NPAS1: variants seen among roughly 807,000 people sequenced by gnomAD.
NPAS1 encodes the protein neuronal PAS domain-containing protein 1.
Under a neutral mutation model 49.2 loss-of-function variants are expected in NPAS1, and 29 were observed. That is an observed-to-expected ratio of 0.59 (90% CI 0.44 to 0.80). The LOEUF is 0.80. Among genes scored for constraint, NPAS1 ranks in the 30% least tolerant of loss-of-function variants. NPAS1 has a pLI of 0.00. For synonymous variants in NPAS1, 408 were observed against 380.4 expected (o/e 1.07, Z -0.84); for missense variants, 825 against 835.5 (o/e 0.99, Z 0.15).
chr19:47,035,877 A>G, intron 5 of NPAS1, 87 bp from the exon 6 acceptor site: 1 of 1,374,978 alleles, frequency 7.3e-7, no homozygotes, highest in East Asian at 2.7e-5. Flanking sequence ...GCGTGCAGGC[A>G]AATGAGGCAA....
chr19:47,040,300 G>A, intron 8 of NPAS1, 144 bp from the exon 9 acceptor site: 1 of 605,216 alleles, frequency 1.7e-6, no homozygotes, highest in East Asian at 2.9e-5. Context: ...TGGGATTACA[G>A]GTGTGAGCCA....
intron 1 of NPAS1, 75 bp downstream of exon 1, chr19:47,020,072 C>T (rs1409100474): frequency 3.3e-6 from 1 of 302,600 alleles, no homozygotes; most frequent in Non-Finnish European, 5.8e-6. Context: ...ACTCCAGTGT[C>T]CTGGGGGATA....
In NPAS1 at chr19:47,040,939, A is replaced by T. The variant is rs1312215777; in HGVS notation, c.1070-39A>T. ...GGCTCTCTGTCTTGCCCCTGTCCCC[A>T]CCCCACCCCCTTCCCATCTCTCCCT... is the stretch of plus-strand genomic sequence containing the variant. On this transcript the variant is annotated intron_variant, in intron 9 of 11. Transcript: ENST00000602212. 7 of 1,345,502 alleles carry T rather than the reference A, an allele frequency of 5.2e-6. No homozygotes were observed. The South Asian group carries it at 1.1e-4, about 21-fold the overall frequency. The allele number at this position is 1,345,502 out of a possible 1,614,324, so 83.3% of individuals were successfully genotyped here.
chr19:47,034,848 C>T (rs550151067), intron 5 of NPAS1, among the ~76,000 whole-genome samples: 15 of 152,028 alleles, frequency 9.9e-5, no homozygotes, highest in Middle Eastern at 3.4e-3. Context: ...TGCACTCCAG[C>T]CTGGGCAACG....
Position 47,045,572 on chromosome 19 carries a change from TC to T in NPAS1, c.1697del (p.Pro566ArgfsTer?). ...HLQRLGPGPA[L>X]PEAFYPPLGL... ...CAGAGGCTGGGTCCGGGCCCCGCGC[TC>T]CCGGAGGCCTTTTACCCGCCCCTGG... On this transcript the variant is annotated frameshift_variant, in exon 12 of 12. Transcript: ENST00000602212. LOFTEE classifies it high-confidence loss of function. 6.7e-7 allele frequency: 1 copy of T among 1,492,142 alleles called. No individual in the cohort carries two copies. Among genetic ancestry groups the T allele is most frequent in the Non-Finnish European group, 8.8e-7 (1 of 1,131,560 alleles). The allele number at this position is 1,492,142 out of a possible 1,614,324, so 92.4% of individuals were successfully genotyped here.
rs758767664 is a variant in NPAS1, at chr19:47,036,056, C to T, written c.615C>T (p.Pro205=). 28 of 1,602,052 alleles carry T rather than the reference C, an allele frequency of 1.7e-5. No homozygotes were observed. Among genetic ancestry groups the T allele is most frequent in the South Asian group, 3.4e-5 (3 of 89,184 alleles). Residue 205 remains proline (P), a synonymous_variant, in exon 6 of 12, where the codon CCC becomes CCT. Coordinates refer to ENST00000602212, the MANE Select transcript of NPAS1 (RefSeq NM_002517.4). ...AACTGGGGCTGCGGACGCCGACGCC[C>T]GGCCCCCCAACCCCGCCCTCCGTCT... ...LEQLGLRTPT[P]GPPTPPSVSS... is the part of the protein sequence containing the mutation.
At chr19:47,026,922 T>C (rs899151017) in intron 3 of NPAS1, among the ~76,000 whole-genome samples, 3 of 150,512 alleles carry the variant, frequency 2.0e-5, no homozygotes, top group Admixed American at 1.3e-4. Context: ...CACTGCACTC[T>C]AGCCTGGGTG....
chr19:47,040,995 G>T lies in NPAS1; in HGVS notation c.1087G>T (p.Val363Leu). Residue 363 changes from valine to leucine, a missense_variant, in exon 10 of 12, where the codon GTG becomes TTG. Val to Leu is a conservative substitution (Grantham distance 32). Transcript: ENST00000602212. Reference protein sequence around the residue: ...SHVDLLDKGQVMTGYYRWLQR... With the variant: ...SHVDLLDKGQLMTGYYRWLQR... ...GGGCCCAGTGCTGGACAAGGGTCAG[G>T]TGATGACTGGTTACTACCGTTGGCT... The T allele has an allele frequency of 6.6e-7, 1 of 1,520,646 alleles. No homozygotes were observed. 94.2% of individuals were successfully genotyped at this position (1,520,646 alleles called of 1,614,324 possible). A position where few individuals can be genotyped will look rare whatever the true frequency, so the allele number is the denominator to read the frequency against.
intron 1 of NPAS1, among the ~76,000 whole-genome samples, chr19:47,020,627 G>T (rs2056832844): frequency 6.6e-6 from 1 of 151,956 alleles, no homozygotes; most frequent in Non-Finnish European, 1.5e-5. Flanking sequence ...GGGGGCTGGG[G>T]CGTGCGTGCC....
At chr19:47,044,752 G>A (rs1599926732) in intron 11 of NPAS1, among the ~76,000 whole-genome samples, 2 of 152,178 alleles carry the variant, frequency 1.3e-5, no homozygotes, top group South Asian at 4.1e-4. Flanking sequence ...CCAGCTGGCC[G>A]GGCACAGTGG....
chr19:47,042,231 C>T (rs951367486), intron 10 of NPAS1, among the ~76,000 whole-genome samples: 5 of 151,946 alleles, frequency 3.3e-5, no homozygotes, highest in African/African-American at 1.2e-4. Context: ...ATTACTTGAA[C>T]CCGGGAGGTG....
At chr19:47,037,527 G>A (rs1409391251) in intron 6 of NPAS1, among the ~76,000 whole-genome samples, 3 of 151,876 alleles carry the variant, frequency 2.0e-5, no homozygotes, top group Admixed American at 6.6e-5. Context: ...TGTCTGTTCC[G>A]GGGTCAGCAC....
In NPAS1 at chr19:47,039,393, CCCA is replaced by C; in HGVS notation, c.805-7_805-5del. 1 of 1,611,422 alleles carries C rather than the reference CCCA, an allele frequency of 6.2e-7. No homozygotes were observed. The highest frequency in any genetic ancestry group is 1.1e-5 in the South Asian group (1 of 90,906). On this transcript the variant is annotated splice_polypyrimidine_tract_variant and intron_variant, in intron 7 of 11. Transcript: ENST00000602212. ...CCGCCTTGTCCCTCCTCCAACCATG[CCCA>C]CCACCAGCAGGTCATCCACGTGACT...
chr19:47,020,640 G>T (rs1044209589), intron 1 of NPAS1, among the ~76,000 whole-genome samples: 1 of 151,892 alleles, frequency 6.6e-6, no homozygotes, highest in African/African-American at 2.4e-5. Flanking sequence ...TGCGTGCCTG[G>T]CCCGGGAGGC....
At chr19:47,036,193 T>C in intron 6 of NPAS1, 64 bp downstream of exon 6, 1 of 1,471,566 alleles carries the variant, frequency 6.8e-7, no homozygotes, top group Non-Finnish European at 9.3e-7. Flanking sequence ...CGCTGTACTG[T>C]ATCCAGCCAT....
Position 47,032,291 on chromosome 19 carries a change from C to T in NPAS1, c.372C>T (p.Arg124=), listed in dbSNP as rs2056911406. 1.2e-6 allele frequency: 2 copies of T among 1,613,960 alleles called. No individual in the cohort carries two copies. Among genetic ancestry groups the T allele is most frequent in the Non-Finnish European group, 1.7e-6 (2 of 1,179,988 alleles). ...GPPAGLAPGR[R]GPAALVSEVF... ...CATCTGCCCCAGCCCCAGGCCGCCG[C>T]GGCCCCGCAGCGCTGGTCTCCGAAG... Residue 124 remains arginine, a synonymous_variant, in exon 4 of 12, where the codon CGC becomes CGT. Transcript: ENST00000602212.
intron 3 of NPAS1, among the ~76,000 whole-genome samples, chr19:47,030,054 C>T (rs948120585): frequency 1.3e-5 from 2 of 152,022 alleles, no homozygotes; most frequent in Admixed American, 1.3e-4. Flanking sequence ...GATGGAGTCT[C>T]GCTCTGTCAC....
chr19:47,038,874 A>G (rs1313089561), intron 6 of NPAS1, among the ~76,000 whole-genome samples, 162 bp from the exon 7 acceptor site: 1 of 151,782 alleles, frequency 6.6e-6, no homozygotes, highest in Admixed American at 6.6e-5. Flanking sequence ...GGGAGCCCAC[A>G]TACTGTCCCC....
chr19:47,039,200 G>C, intron 7 of NPAS1, 49 bp downstream of exon 7: 6 of 1,540,040 alleles, frequency 3.9e-6, no homozygotes, highest in South Asian at 1.2e-5. Context: ...CATGTCCCCA[G>C]ATTGAGGGTG....
Sources: gnomAD v4.1 joint callset for allele counts (sites outside exome capture counted in the v4.1 genomes callset) on GRCh38, gnomAD v4.1.1 for gene constraint, MANE v1.5 for transcripts, NCBI Gene and HGNC (gene_info 2026-07-23, HGNC 2026-07-21) for gene names.